SETDB1: variants seen among roughly 807,000 people sequenced by gnomAD.
SETDB1 encodes histone-lysine N-methyltransferase SETDB1.
A neutral mutation model predicts 137.4 loss-of-function variants in SETDB1; 31 were observed. The ratio of observed to expected loss-of-function variants is 0.23; its 90% CI spans 0.17 to 0.30. The LOEUF is 0.30. SETDB1 is among the 10% of genes least tolerant of loss of function. The pLI is 1.00. For synonymous variants in SETDB1, 548 were observed against 579.9 expected (o/e 0.95, Z 0.79); for missense variants, 1,113 against 1,631.5 (o/e 0.68, Z 5.47).
At chr1:150,955,157 T>A (rs1429980548) in intron 14 of SETDB1, among the ~76,000 whole-genome samples, 1 of 152,256 alleles carries the variant, frequency 6.6e-6, no homozygotes, top group Non-Finnish European at 1.5e-5. Context: ...CTGTATCATG[T>A]ATGTTTTAAT....
intron 2 of SETDB1, chr1:150,928,301 G>A (rs1358006111): frequency 3.7e-6 from 1 of 268,128 alleles, no homozygotes. Flanking sequence ...ACTTTATGAA[G>A]TACAGATGTT....
At chr1:150,945,681 G>A (rs587637639) in intron 9 of SETDB1, among the ~76,000 whole-genome samples, 60 of 152,242 alleles carry the variant, frequency 3.9e-4, no homozygotes, top group African/African-American at 1.3e-3. Flanking sequence ...ACCTCAGCCC[G>A]TTACTTCTAA....
At chr1:150,938,738 A>G (rs1382898417) in intron 3 of SETDB1, among the ~76,000 whole-genome samples, 1 of 151,770 alleles carries the variant, frequency 6.6e-6, no homozygotes, top group Non-Finnish European at 1.5e-5. Flanking sequence ...TCCTGACCTC[A>G]GGTGATCTGC....
At position 150,942,943 on chromosome 1, in the gene SETDB1, T is replaced by G; in HGVS notation, c.765T>G (p.Ala255=). ...NHIAYDYHPP[A]DKLYVGSRVV... ...TTGCCTATGATTACCACCCTCCTGC[T>G]GACAAGCTGTATGTGGGCAGTCGGG... Residue 255 remains alanine, a synonymous_variant, in exon 7 of 22, where the codon GCT becomes GCG. Transcript: ENST00000692827. The G allele has an allele frequency of 6.2e-7, 1 of 1,613,904 alleles. No homozygotes were observed. The highest frequency in any genetic ancestry group is 1.1e-5 in the South Asian group (1 of 91,074).
Position 150,942,662 on chromosome 1 carries a change from G to T in SETDB1, c.647G>T (p.Gly216Val). ...GKKRTKTWHK[G>V]TLIAIQTVGP... ...AAGAGAACTAAGACTTGGCACAAAG[G>T]CACCCTTATTGCCATCCAGACAGTT... Residue 216 changes from glycine to valine, a missense_variant, in exon 6 of 22, where the codon GGC (glycine) becomes GTC (valine). Gly to Val is a moderately radical substitution (Grantham distance 109). This residue lies in a region of SETDB1 where 154 missense variants were observed against 303.1 expected (regional missense o/e 0.51). Transcript: ENST00000692827. The T allele has an allele frequency of 6.2e-7, 1 of 1,613,544 alleles. No homozygotes were observed. The highest frequency in any genetic ancestry group is 8.5e-7 in the Non-Finnish European group (1 of 1,179,810).
rs779589113 is a variant in SETDB1 at position 150,962,711 on chromosome 1, A to G, written c.3286A>G (p.Asn1096Asp). ...SRRLMASAQS[N>D]PDDVLTLSSS... ...AAGACTCATGGCTTCTGCTCAGTCC[A>G]ACCCTGATGTAAGTCACCTCAAGCT... The change falls in exon 18 of 22, where the codon AAC (asparagine) becomes GAC (aspartate). Residue 1096 changes from asparagine (N) to aspartate (D), a missense_variant. Asn to Asp is a conservative substitution (Grantham distance 23). Around this residue, in one of 11 missense-constraint regions of SETDB1, gnomAD observed 373 missense variants for 412.7 expected, o/e 0.90. Coordinates refer to ENST00000692827, the MANE Select transcript of SETDB1 (RefSeq NM_001366418.1). 6.2e-7 allele frequency: 1 copy of G among 1,614,044 alleles called. No individual in the cohort carries two copies. Among genetic ancestry groups the G allele is most frequent in the South Asian group, 1.1e-5 (1 of 91,086 alleles).
chr1:150,942,901 A>G lies in SETDB1; in HGVS notation c.723A>G (p.Leu241=), dbSNP rs142533394. The G allele has an allele frequency of 9.9e-4, 1,594 of 1,614,178 alleles. 1 individual carries two copies. Among genetic ancestry groups the G allele is most frequent in the Non-Finnish European group, 1.2e-3 (1,459 of 1,180,000 alleles). The change falls in exon 7 of 22, where the codon CTA becomes CTG. Residue 241 remains leucine (L), a synonymous_variant. Transcript: ENST00000692827. ...KVKFDNKGKS[L]LSGNHIAYDY... Reference sequence around the variant, plus strand: ...AATTTGACAACAAAGGAAAGAGTCTACTGTCGGGGAACCATATTGCCTATG... The same window carrying G: ...AATTTGACAACAAAGGAAAGAGTCTGCTGTCGGGGAACCATATTGCCTATG...
chr1:150,929,375 A>G (rs1203067018), intron 2 of SETDB1, among the ~76,000 whole-genome samples: 1 of 122,104 alleles, frequency 8.2e-6, no homozygotes, highest in Non-Finnish European at 2.0e-5. Context: ...TTTTATTTTT[A>G]TTTTATTTTA....
At chr1:150,954,388 G>A (rs1198309415) in intron 14 of SETDB1, among the ~76,000 whole-genome samples, 2 of 152,126 alleles carry the variant, frequency 1.3e-5, no homozygotes, top group African/African-American at 2.4e-5. Context: ...ATATAAACAC[G>A]TGAACTAATA....
chr1:150,945,224 T>C (rs1670289914), intron 9 of SETDB1, 116 bp downstream of exon 9: 1 of 1,517,518 alleles, frequency 6.6e-7, no homozygotes, highest in South Asian at 1.2e-5. Flanking sequence ...TATCCTCGTA[T>C]GTGTTCTCAC....
At position 150,960,935 on chromosome 1, in the gene SETDB1, C is replaced by T. The variant is rs773225667; in HGVS notation, c.2876C>T (p.Pro959Leu). ...CCAGATCTTGGACCCCCACATATTCCTGTTCCTCCCTCAATCCCTGTAGGT... is the reference window on the plus strand; with the variant it reads ...CCAGATCTTGGACCCCCACATATTCTTGTTCCTCCCTCAATCCCTGTAGGT... ...HPPDLGPPHI[P>L]VPPSIPVGGC... Residue 959 changes from proline (P) to leucine (L), a missense_variant, in exon 16 of 22, where the codon CCT becomes CTT. By Grantham distance (98) the Pro-to-Leu change is moderately conservative (BLOSUM62 -3). This residue lies in a region of SETDB1 where 373 missense variants were observed against 412.7 expected (regional missense o/e 0.90). Transcript: ENST00000692827. The T allele has an allele frequency of 3.1e-6, 5 of 1,613,786 alleles. No homozygotes were observed. Among genetic ancestry groups the T allele is most frequent in the South Asian group, 2.2e-5 (2 of 91,078 alleles).
At chr1:150,952,936 A>G (rs1286112984) in intron 14 of SETDB1, among the ~76,000 whole-genome samples, 1 of 152,190 alleles carries the variant, frequency 6.6e-6, no homozygotes, top group Non-Finnish European at 1.5e-5. Context: ...AGGCAATCCA[A>G]GTAGAAATGT....
intron 12 of SETDB1, among the ~76,000 whole-genome samples, chr1:150,950,014 A>G (rs587689130): frequency 1.3e-5 from 2 of 152,180 alleles, no homozygotes; most frequent in South Asian, 2.1e-4. Flanking sequence ...CGGGTGGATC[A>G]CCTGAGGTCG....
intron 9 of SETDB1, among the ~76,000 whole-genome samples, chr1:150,945,845 T>G (rs1049384265): frequency 1.3e-5 from 2 of 152,046 alleles, no homozygotes; most frequent in African/African-American, 4.8e-5. Flanking sequence ...TGCCTCAGCC[T>G]CTCGGGTAGC....
chr1:150,928,140 C>T (rs1669598730), intron 2 of SETDB1, 166 bp downstream of exon 2: 2 of 714,390 alleles, frequency 2.8e-6, no homozygotes, highest in Admixed American at 3.0e-5. Flanking sequence ...TCACTGCAAC[C>T]TCCACCTCTC....
chr1:150,946,831 G>T (rs1670345732), intron 9 of SETDB1, 55 bp from the exon 10 acceptor site: 1 of 1,606,742 alleles, frequency 6.2e-7, no homozygotes, highest in Non-Finnish European at 8.5e-7. Context: ...CACAGGACAG[G>T]ATAGATTCTA....
At chr1:150,952,445 G>C (rs377686141) in intron 14 of SETDB1, among the ~76,000 whole-genome samples, 7 of 152,116 alleles carry the variant, frequency 4.6e-5, no homozygotes, top group Non-Finnish European at 8.8e-5. Flanking sequence ...ATTATGGAGT[G>C]GGGGGAAAGA....
Position 150,962,969 on chromosome 1 carries a change from C to T in SETDB1, c.3295-5C>T, listed in dbSNP as rs1189854739. 5.6e-6 allele frequency: 9 copies of T among 1,612,646 alleles called. No homozygotes were observed. Among genetic ancestry groups the T allele is most frequent in the Non-Finnish European group, 7.6e-6 (9 of 1,178,984 alleles). On this transcript the variant is annotated splice_polypyrimidine_tract_variant and splice_region_variant and intron_variant, in intron 18 of 21. Transcript: ENST00000692827. Reference sequence around the variant, plus strand: ...CTCTTACTTCTTACCCTCCTGCTTCCCCAGGATGTCCTGACACTGTCCAGC... The same window carrying T: ...CTCTTACTTCTTACCCTCCTGCTTCTCCAGGATGTCCTGACACTGTCCAGC...
Position 150,950,719 on chromosome 1 carries a change from G to C in SETDB1, c.1845G>C (p.Arg615=). The C allele has an allele frequency of 6.8e-6, 11 of 1,614,220 alleles. No homozygotes were observed. The highest frequency in any genetic ancestry group is 9.3e-6 in the Non-Finnish European group (11 of 1,180,040). The part of the protein sequence containing the change: ...LLYDFRRMTA[R]RRVNRKMGFH... ...ATGACTTCCGGCGGATGACAGCCCG[G>C]CGTCGAGTTAACCGCAAGATGGGCT... Residue 615 remains arginine (R), a synonymous_variant, in exon 13 of 22, where the codon CGG becomes CGC. Coordinates refer to ENST00000692827, the MANE Select transcript of SETDB1 (RefSeq NM_001366418.1).
Sources: allele counts gnomAD v4.1 joint callset (sites outside exome capture counted in the v4.1 genomes callset), GRCh38; gene constraint gnomAD v4.1.1; regional missense constraint gnomAD v4.1.1; transcripts MANE v1.5; gene names NCBI Gene and HGNC (gene_info 2026-07-23, HGNC 2026-07-21).